The following QKI variants were observed in gnomAD, a reference collection of about 807,000 sequenced individuals.
QKI encodes KH domain-containing RNA-binding protein QKI.
Under a neutral mutation model 39.0 loss-of-function variants are expected in QKI, and 10 were observed. That is an observed-to-expected ratio of 0.26 (90% CI 0.16 to 0.43). The LOEUF (loss-of-function observed/expected upper bound fraction) is 0.43, where lower values mean the gene tolerates loss of function less well. Among genes scored for constraint, QKI ranks in the 20% least tolerant of loss-of-function variants. QKI has a pLI of 1.00. For synonymous variants in QKI, 204 were observed against 155.4 expected (o/e 1.31, Z -2.33); for missense variants, 218 against 428.0 (o/e 0.51, Z 4.33).
At chr6:163,556,870 A>T (rs1489430868) in intron 4 of QKI, among the ~76,000 whole-genome samples, 1 of 152,210 alleles carries the variant, frequency 6.6e-6, no homozygotes, top group African/African-American at 2.4e-5. Context: ...GAGCTTTTAC[A>T]TTTCAAAAGT....
At chr6:163,527,519 A>G (rs1780588033) in intron 3 of QKI, among the ~76,000 whole-genome samples, 1 of 152,116 alleles carries the variant, frequency 6.6e-6, no homozygotes, top group African/African-American at 2.4e-5. Context: ...CTTGACTACA[A>G]ATGCATAATT....
intron 1 of QKI, among the ~76,000 whole-genome samples, chr6:163,431,701 T>C (rs777368706): frequency 6.6e-6 from 1 of 151,900 alleles, no homozygotes; most frequent in Non-Finnish European, 1.5e-5. Context: ...CATTCAGTTA[T>C]ATCATAAAGT....
intron 1 of QKI, 83 bp downstream of exon 1, chr6:163,415,418 G>T: frequency 8.3e-7 from 1 of 1,207,724 alleles, no homozygotes; most frequent in Non-Finnish European, 1.1e-6. Context: ...GGGAGGGCGG[G>T]AAGGTCACGG....
At chr6:163,443,290 A>G (rs926098365) in intron 1 of QKI, among the ~76,000 whole-genome samples, 4 of 152,150 alleles carry the variant, frequency 2.6e-5, no homozygotes, top group Non-Finnish European at 4.4e-5. Flanking sequence ...AAAACTCTTC[A>G]CCGGGTACAG....
At chr6:163,545,709 C>CT (rs1781821640) in intron 4 of QKI, among the ~76,000 whole-genome samples, 1 of 151,944 alleles carries the variant, frequency 6.6e-6, no homozygotes, top group Admixed American at 6.6e-5. Flanking sequence ...TGAGGAACCG[C>CT]TTCTTTCAAC....
intron 3 of QKI, among the ~76,000 whole-genome samples, chr6:163,504,531 C>CT (rs1211536364): frequency 1.3e-5 from 2 of 152,114 alleles, no homozygotes; most frequent in African/African-American, 4.8e-5. Flanking sequence ...TCTCTGGTTT[C>CT]TTTTAGCAGT....
intron 3 of QKI, among the ~76,000 whole-genome samples, chr6:163,508,984 G>C (rs1189031833): frequency 2.6e-5 from 4 of 151,852 alleles, no homozygotes; most frequent in African/African-American, 9.7e-5. Context: ...ACTAAAAATT[G>C]AAAAATTAGC....
chr6:163,549,401 C>T (rs1171091032), intron 4 of QKI, among the ~76,000 whole-genome samples: 1 of 152,100 alleles, frequency 6.6e-6, no homozygotes, highest in African/African-American at 2.4e-5. Flanking sequence ...AGACCAACAG[C>T]TAGAAAACTT....
At chr6:163,455,011 C>T (rs1052171914) in intron 1 of QKI, among the ~76,000 whole-genome samples, 35 of 152,178 alleles carry the variant, frequency 2.3e-4, no homozygotes, top group African/African-American at 8.2e-4. Flanking sequence ...CATATTATAC[C>T]GGTTAGGAAG....
chr6:163,502,321 TCAAAA>T (rs1005852960), intron 3 of QKI, among the ~76,000 whole-genome samples: 9 of 151,966 alleles, frequency 5.9e-5, no homozygotes, highest in African/African-American at 9.7e-5. Context: ...AGACCCTGTC[TCAAAA>T]CAAAACAAAA....
chr6:163,558,608 C>T (rs1037562397), intron 4 of QKI, among the ~76,000 whole-genome samples: 1 of 151,960 alleles, frequency 6.6e-6, no homozygotes, highest in African/African-American at 2.4e-5. Context: ...CCATGTTGGC[C>T]AGGCTGGTCT....
At chr6:163,448,456 A>G (rs1298336637) in intron 1 of QKI, among the ~76,000 whole-genome samples, 9 of 151,898 alleles carry the variant, frequency 5.9e-5, no homozygotes, top group Admixed American at 1.3e-4. Flanking sequence ...GGCTAGGCGC[A>G]GTGGCTCACG....
intron 3 of QKI, among the ~76,000 whole-genome samples, chr6:163,513,670 A>G (rs911460638): frequency 3.3e-5 from 5 of 152,264 alleles, no homozygotes; most frequent in Admixed American, 6.5e-5. Flanking sequence ...GTGACTTACT[A>G]TTCTCCTCTA....
At chr6:163,543,192 A>G (rs1781652478) in intron 4 of QKI, among the ~76,000 whole-genome samples, 1 of 152,064 alleles carries the variant, frequency 6.6e-6, no homozygotes, top group Admixed American at 6.6e-5. Context: ...TAATGAGTTG[A>G]TGGTACTGCA....
At chr6:163,536,402 C>T (rs547787369) in intron 4 of QKI, among the ~76,000 whole-genome samples, 13 of 152,268 alleles carry the variant, frequency 8.5e-5, no homozygotes, top group Admixed American at 7.2e-4. Flanking sequence ...TGTAAGAATA[C>T]GGTATATAAC....
Position 163,520,304 on chromosome 6 carries a change from G to A in QKI, c.403-14678G>A, listed in dbSNP as rs73246619. On this transcript the variant is annotated intron_variant, in intron 3 of 7. Coordinates refer to ENST00000361752, the MANE Select transcript of QKI (RefSeq NM_006775.3). ...AGTATAAGATAATAAAATGGTTAAC[G>A]TTTAACAAACTCATCATTATAACAC... Among the ~76,000 whole-genome samples, 773 of 152,110 alleles carry A rather than the reference G, an allele frequency of 5.1e-3. 5 individuals carry two copies. Among genetic ancestry groups the A allele is most frequent in the African/African-American group, 0.017 (724 of 41,490 alleles).
chr6:163,576,859 A>G lies in QKI; in HGVS notation c.*6149A>G, dbSNP rs1361741053. ...TCTGGAGTTATTATAACATTAGAAAATGAGCATAACATTCACTCTGATTTT... is the reference window on the plus strand; with the variant it reads ...TCTGGAGTTATTATAACATTAGAAAGTGAGCATAACATTCACTCTGATTTT... On this transcript the variant is annotated 3_prime_UTR_variant, in exon 8 of 8. Coordinates refer to ENST00000361752, the MANE Select transcript of QKI (RefSeq NM_006775.3). 2.0e-5 allele frequency: 3 copies of G among 152,252 alleles called. No individual in the cohort carries two copies. Among genetic ancestry groups the G allele is most frequent in the Non-Finnish European group, 4.4e-5 (3 of 68,042 alleles). The allele number at this position is 152,252 out of a possible 1,614,324, so 9.4% of individuals were successfully genotyped here.
chr6:163,439,686 C>T (rs1789615282), intron 1 of QKI, among the ~76,000 whole-genome samples: 1 of 145,070 alleles, frequency 6.9e-6, no homozygotes, highest in African/African-American at 2.6e-5. Context: ...AACAGAGTCT[C>T]ACTCTGTTGC....
intron 5 of QKI, among the ~76,000 whole-genome samples, chr6:163,562,812 A>G (rs1178513373): frequency 6.6e-6 from 1 of 152,224 alleles, no homozygotes; most frequent in Admixed American, 6.5e-5. Flanking sequence ...TGGGTTTAGA[A>G]GTAGTTACTT....
Sources: allele counts gnomAD v4.1 joint callset (sites outside exome capture counted in the v4.1 genomes callset), GRCh38; gene constraint gnomAD v4.1.1; transcripts MANE v1.5; gene names NCBI Gene and HGNC (gene_info 2026-07-23, HGNC 2026-07-21).